Variants in AJAP1 observed in about 807,000 individuals in gnomAD.
AJAP1 encodes the protein adherens junctions associated protein 1, also known as adherens junction-associated protein 1.
Under a neutral mutation model 35.0 loss-of-function variants are expected in AJAP1, and 5 were observed. The ratio of observed to expected loss-of-function variants is 0.14; its 90% confidence interval spans 0.07 to 0.30. The LOEUF is 0.30. AJAP1 is among the 10% of genes least tolerant of loss of function. The pLI is 1.00. For missense variants in AJAP1, 586 were observed against 571.0 expected, an observed-to-expected ratio of 1.03 and a Z score of -0.27; for synonymous variants, 284 against 249.3, an observed-to-expected ratio of 1.14 and a Z score of -1.31.
chr1:4,654,727 G>A lies in AJAP1; in HGVS notation c.-699G>A, dbSNP rs1402180125. ...CCTCCGCGCGGCGCCGCCGCCGCGC[G>A]TCCCCACGCCCCGCGCTCCACGGCG... On this transcript the variant is annotated 5_prime_UTR_variant, in exon 1 of 6. Transcript: ENST00000378191. The surrounding 1 kb of genome is among the most constrained non-coding windows in gnomAD (Gnocchi z 5.1). 2.7e-5 allele frequency: 4 copies of A among 147,292 alleles called. 1 individual carries two copies. The highest frequency in any genetic ancestry group is 2.7e-4 in the Admixed American group (4 of 14,848). The allele number at this position is 147,292 out of a possible 1,614,324, so 9.1% of individuals were successfully genotyped here. A position where few individuals can be genotyped will look rare whatever the true frequency, so the allele number is the denominator to read the frequency against.
intron 1 of AJAP1, among the ~76,000 whole-genome samples, chr1:4,676,877 C>A (rs1639373796): frequency 6.6e-6 from 1 of 152,202 alleles, no homozygotes; most frequent in Non-Finnish European, 1.5e-5. Context: ...AATAAAATGG[C>A]CAGGGGCCGT....
At chr1:4,683,060 G>T (rs377763898) in intron 1 of AJAP1, among the ~76,000 whole-genome samples, 1 of 152,188 alleles carries the variant, frequency 6.6e-6, no homozygotes, top group Admixed American at 6.5e-5. Context: ...TGCCCTGCTC[G>T]CCAGAGATCC....
At position 4,700,687 on chromosome 1, in the gene AJAP1, G is replaced by C. The variant is rs143966773; in HGVS notation, c.30-11213G>C. ...TAGCTCGTGCTGGGGGCCCAGTCTGGGAACTTTGTCCGCACACGCAGGGGA... is the reference window on the plus strand; with the variant it reads ...TAGCTCGTGCTGGGGGCCCAGTCTGCGAACTTTGTCCGCACACGCAGGGGA... On this transcript the variant is annotated intron_variant, in intron 1 of 5. Coordinates refer to ENST00000378191, the MANE Select transcript of AJAP1 (RefSeq NM_018836.4). 4.5e-4 allele frequency among the ~76,000 whole-genome samples: 69 copies of C among 152,286 alleles called. 2 individuals are homozygous for C. Among genetic ancestry groups the C allele is most frequent in the African/African-American group, 1.6e-3 (65 of 41,560 alleles).
At chr1:4,740,370 G>T (rs1641027821) in intron 2 of AJAP1, among the ~76,000 whole-genome samples, 1 of 151,882 alleles carries the variant, frequency 6.6e-6, no homozygotes, top group African/African-American at 2.4e-5. Context: ...GGAGGGGGAT[G>T]GGGAGTGAGT....
chr1:4,733,663 C>T (rs1640853323), intron 2 of AJAP1, among the ~76,000 whole-genome samples: 1 of 151,864 alleles, frequency 6.6e-6, no homozygotes, highest in South Asian at 2.1e-4. Context: ...CGGGAAATCC[C>T]AGCGGGCCGG....
At chr1:4,688,539 G>A (rs914098710) in intron 1 of AJAP1, among the ~76,000 whole-genome samples, 41 of 152,040 alleles carry the variant, frequency 2.7e-4, no homozygotes, top group Non-Finnish European at 2.4e-4. Context: ...TTGGGAGGCC[G>A]AGGCAGGCGG....
At chr1:4,766,392 C>T (rs1237333629) in intron 2 of AJAP1, among the ~76,000 whole-genome samples, 1 of 152,166 alleles carries the variant, frequency 6.6e-6, no homozygotes, top group Non-Finnish European at 1.5e-5. Context: ...AATGATGGGG[C>T]GGATGCTGTA....
At chr1:4,665,898 T>A (rs998429156) in intron 1 of AJAP1, among the ~76,000 whole-genome samples, 1 of 152,076 alleles carries the variant, frequency 6.6e-6, no homozygotes, top group African/African-American at 2.4e-5. Context: ...ATGGGGAAGG[T>A]TTCCCAGAGG....
At chr1:4,744,697 A>G (rs1321724579) in intron 2 of AJAP1, among the ~76,000 whole-genome samples, 2 of 152,116 alleles carry the variant, frequency 1.3e-5, no homozygotes, top group Non-Finnish European at 2.9e-5. Flanking sequence ...CCATGTGCAC[A>G]TAACACACAG....
At chr1:4,731,327 T>G (rs951737221) in intron 2 of AJAP1, among the ~76,000 whole-genome samples, 1 of 152,198 alleles carries the variant, frequency 6.6e-6, no homozygotes, top group African/African-American at 2.4e-5. Context: ...GTGATCCACC[T>G]GCCTCAGCCT....
At chr1:4,663,920 G>A (rs1474374875) in intron 1 of AJAP1, among the ~76,000 whole-genome samples, 4 of 152,148 alleles carry the variant, frequency 2.6e-5, no homozygotes, top group Admixed American at 6.5e-5. Context: ...GGAGGCCTGG[G>A]TGCGGGGCTT....
intron 2 of AJAP1, among the ~76,000 whole-genome samples, chr1:4,718,247 A>G (rs183409526): frequency 8.9e-4 from 136 of 152,244 alleles, no homozygotes; most frequent in Non-Finnish European, 1.6e-3. Flanking sequence ...GTTCATACCA[A>G]ATGGATAAGT....
intron 5 of AJAP1, among the ~76,000 whole-genome samples, chr1:4,776,319 A>G (rs977976583): frequency 1.3e-5 from 2 of 148,338 alleles, no homozygotes; most frequent in Non-Finnish European, 3.0e-5. Context: ...ACGGCAGCTC[A>G]TGGAACACTT....
At chr1:4,745,762 G>A (rs1272308061) in intron 2 of AJAP1, among the ~76,000 whole-genome samples, 1 of 152,124 alleles carries the variant, frequency 6.6e-6, no homozygotes, top group East Asian at 1.9e-4. Flanking sequence ...GAGGCTGCTG[G>A]GTCCTGGGCA....
At chr1:4,719,554 G>A (rs968766708) in intron 2 of AJAP1, among the ~76,000 whole-genome samples, 5 of 152,178 alleles carry the variant, frequency 3.3e-5, no homozygotes, top group Non-Finnish European at 7.3e-5. Flanking sequence ...CATCTCGGGG[G>A]CGTGTGGTGG....
At chr1:4,662,245 C>A (rs1278827548) in intron 1 of AJAP1, among the ~76,000 whole-genome samples, 1 of 152,198 alleles carries the variant, frequency 6.6e-6, no homozygotes, top group Non-Finnish European at 1.5e-5. Context: ...TTGTAGCAAT[C>A]CCCGTTCCTG....
intron 1 of AJAP1, among the ~76,000 whole-genome samples, chr1:4,658,973 A>C (rs995885888): frequency 6.6e-6 from 1 of 152,190 alleles, no homozygotes; most frequent in Admixed American, 6.5e-5. Context: ...CCACAGCGCC[A>C]GTCCCTCTGA....
intron 5 of AJAP1, among the ~76,000 whole-genome samples, chr1:4,776,080 C>A (rs946640670): frequency 3.3e-5 from 5 of 152,224 alleles, no homozygotes; most frequent in Non-Finnish European, 7.3e-5. Flanking sequence ...GAGTCGAAGA[C>A]CCTCACTCCC....
chr1:4,704,874 T>C (rs1052997369), intron 1 of AJAP1, among the ~76,000 whole-genome samples: 7 of 152,238 alleles, frequency 4.6e-5, no homozygotes, highest in African/African-American at 1.7e-4. Flanking sequence ...TGGTATCTCA[T>C]TGTGGTTTTG....
Sources: allele counts gnomAD v4.1 joint callset (sites outside exome capture counted in the v4.1 genomes callset), GRCh38; gene constraint gnomAD v4.1.1; non-coding constraint Gnocchi (gnomAD v3.1); transcripts MANE v1.5; gene names NCBI Gene and HGNC (gene_info 2026-07-23, HGNC 2026-07-21).